The following STRA8 variants were observed in gnomAD, a reference collection of about 807,000 sequenced individuals.
STRA8 encodes the protein stimulated by retinoic acid gene 8 protein homolog.
A neutral mutation model predicts 37.1 loss-of-function variants in STRA8; 18 were observed. That is an observed-to-expected ratio of 0.48 (90% confidence interval 0.34 to 0.72). The LOEUF is 0.72. STRA8 is among the 30% of genes least tolerant of loss of function. The pLI, the probability that STRA8 is intolerant of heterozygous loss-of-function variation, is 0.01. For synonymous variants in STRA8, 168 were observed against 162.9 expected (o/e 1.03, Z -0.24); for missense variants, 357 against 410.4 (o/e 0.87, Z 1.13).
Position 135,246,292 on chromosome 7 carries a change from C to A in STRA8, c.594-125C>A, listed in dbSNP as rs978615606. 3.8e-6 allele frequency: 5 copies of A among 1,301,348 alleles called. No homozygotes were observed. In the African/African-American group the frequency reaches 7.5e-5, roughly 19 times the overall value. 80.6% of individuals were successfully genotyped at this position (1,301,348 alleles called of 1,614,324 possible). The stretch of plus-strand genomic sequence containing the variant: ...CAGGGGCGTGCAGAGTCTGAGAAGT[C>A]TCAGCCCTGGTGAGCCGTGGCGCCG... On this transcript the variant is annotated intron_variant, in intron 5 of 8. Transcript: ENST00000662584. The surrounding 1 kb of genome is among the most constrained non-coding windows in gnomAD (Gnocchi z 5.4).
chr7:135,256,543 A>T (rs7787925), intron 8 of STRA8, among the ~76,000 whole-genome samples: 1 of 152,018 alleles, frequency 6.6e-6, no homozygotes, highest in Non-Finnish European at 1.5e-5. Flanking sequence ...AGTGGCTCAC[A>T]CCTGGAATCC....
At chr7:135,254,522 C>T (rs2129480046) in intron 7 of STRA8, among the ~76,000 whole-genome samples, 1 of 152,354 alleles carries the variant, frequency 6.6e-6, no homozygotes, top group Middle Eastern at 3.4e-3. Context: ...TGAGCTAACT[C>T]ATCATCTTCT....
chr7:135,232,164 G>A (rs574172297), upstream of STRA8: 30 of 935,280 alleles, frequency 3.2e-5, no homozygotes, highest in African/African-American at 3.4e-4. Flanking sequence ...AGGCAGGTCA[G>A]AGGTCAGTTT....
At chr7:135,237,843 G>A (rs1450082634) in intron 1 of STRA8, among the ~76,000 whole-genome samples, 2 of 151,704 alleles carry the variant, frequency 1.3e-5, no homozygotes, top group African/African-American at 4.8e-5. Flanking sequence ...AGTGAGCCGA[G>A]ATCACGCCAC....
chr7:135,244,781 C>T (rs536290501), intron 4 of STRA8, among the ~76,000 whole-genome samples: 8 of 152,162 alleles, frequency 5.3e-5, no homozygotes, highest in Non-Finnish European at 1.2e-4. Context: ...ACAGATTTGT[C>T]TCTTCTGCTC....
At chr7:135,233,608 C>A (rs1832323422), upstream of STRA8, among the ~76,000 whole-genome samples, 1 of 152,062 alleles carries the variant, frequency 6.6e-6, no homozygotes, top group Non-Finnish European at 1.5e-5. Context: ...CCTGACCCCT[C>A]GCGACCCTGC....
In STRA8 at chr7:135,246,905, C is replaced by T; in HGVS notation, c.879+203C>T. On this transcript the variant is annotated intron_variant, in intron 6 of 8. Coordinates refer to ENST00000662584, the MANE Select transcript of STRA8 (RefSeq NM_001394401.1). This position sits in a 1 kb window ranked among gnomAD's most constrained non-coding sequence, Gnocchi z 5.4. ...TGTCGCCCAGGCTGGAGTGCAGTGG[C>T]GCGATCTCGGCTCACTGCAAGCTCT... 1.8e-6 allele frequency: 1 copy of T among 558,326 alleles called. No homozygotes were observed. The highest frequency in any genetic ancestry group is 2.6e-5 in the South Asian group (1 of 38,738). 34.6% of individuals were successfully genotyped at this position (558,326 alleles called of 1,614,324 possible).
chr7:135,251,496 G>T (rs1267584202), intron 6 of STRA8, among the ~76,000 whole-genome samples: 1 of 152,166 alleles, frequency 6.6e-6, no homozygotes, highest in Non-Finnish European at 1.5e-5. Flanking sequence ...TCTGGTAATT[G>T]CATCTCACAC....
rs377439506 is a variant in STRA8 at position 135,243,322 on chromosome 7, A to C, written c.269-4A>C. 6.3e-5 allele frequency: 102 copies of C among 1,613,918 alleles called. No homozygotes were observed. Among genetic ancestry groups the C allele is most frequent in the Non-Finnish European group, 8.2e-5 (97 of 1,179,974 alleles). ...TGTGTTCCTGGTCTTCAACTCCCCA[A>C]TAGCATCCTTCAACCTGGAAGATGG... On this transcript the variant is annotated splice_region_variant and splice_polypyrimidine_tract_variant and intron_variant, in intron 3 of 8. Coordinates refer to ENST00000662584, the MANE Select transcript of STRA8 (RefSeq NM_001394401.1).
At chr7:135,238,355 G>A (rs1056729480) in intron 1 of STRA8, among the ~76,000 whole-genome samples, 1 of 152,150 alleles carries the variant, frequency 6.6e-6, no homozygotes, top group African/African-American at 2.4e-5. Flanking sequence ...AGAGGCGACT[G>A]GTGGGAAGTC....
intron 3 of STRA8, 114 bp downstream of exon 3, chr7:135,242,970 C>A: frequency 8.8e-7 from 1 of 1,139,930 alleles, no homozygotes; most frequent in Non-Finnish European, 1.3e-6. Flanking sequence ...TATTGAGGGC[C>A]TACTGTGTGC....
At chr7:135,245,036 A>G (rs1184484603) in intron 4 of STRA8, among the ~76,000 whole-genome samples, 1 of 152,160 alleles carries the variant, frequency 6.6e-6, no homozygotes, top group Admixed American at 6.5e-5. Flanking sequence ...TGATTTTGTC[A>G]GATGCTTTTT....
chr7:135,251,977 C>G, intron 7 of STRA8, 108 bp downstream of exon 7: 1 of 861,556 alleles, frequency 1.2e-6, no homozygotes, highest in Non-Finnish European at 1.8e-6. Context: ...TGTGGTAAGT[C>G]AGAGACAGAG....
intron 4 of STRA8, among the ~76,000 whole-genome samples, chr7:135,243,873 CT>C (rs1358286516): frequency 6.6e-6 from 1 of 152,168 alleles, no homozygotes; most frequent in African/African-American, 2.4e-5. Flanking sequence ...AAATCTCAGT[CT>C]ATATTCCAAG....
chr7:135,234,460 T>C (rs995925531), intron 1 of STRA8, among the ~76,000 whole-genome samples: 1 of 152,208 alleles, frequency 6.6e-6, no homozygotes, highest in African/African-American at 2.4e-5. Context: ...CAAAGGAAGC[T>C]GTCTGTGGGT....
At chr7:135,253,091 T>C (rs1327948873) in intron 7 of STRA8, among the ~76,000 whole-genome samples, 3 of 152,196 alleles carry the variant, frequency 2.0e-5, no homozygotes, top group African/African-American at 4.8e-5. Flanking sequence ...CATGCCACTA[T>C]GCTCAGCTAA....
intron 1 of STRA8, among the ~76,000 whole-genome samples, chr7:135,240,190 A>AGGGC (rs1026943271): frequency 6.6e-6 from 1 of 152,204 alleles, no homozygotes; most frequent in Non-Finnish European, 1.5e-5. Flanking sequence ...GGTAAGTTCC[A>AGGGC]GGGCCCCTCA....
upstream of STRA8, chr7:135,231,948 T>G (rs1832299319): frequency 6.2e-7 from 1 of 1,609,646 alleles, no homozygotes; most frequent in Admixed American, 1.7e-5. Context: ...AGGCCCCCAG[T>G]GTTCATGGCA....
intron 6 of STRA8, among the ~76,000 whole-genome samples, chr7:135,250,450 T>G (rs1832620857): frequency 6.6e-6 from 1 of 152,002 alleles, no homozygotes; most frequent in Non-Finnish European, 1.5e-5. Flanking sequence ...CTCTTTGAAA[T>G]GACCACAGAG....
Sources: allele counts gnomAD v4.1 joint callset (sites outside exome capture counted in the v4.1 genomes callset), GRCh38; gene constraint gnomAD v4.1.1; non-coding constraint Gnocchi (gnomAD v3.1); transcripts MANE v1.5; gene names NCBI Gene and HGNC (gene_info 2026-07-23, HGNC 2026-07-21).